The following RGS7 variants were observed in gnomAD, a reference collection of about 807,000 sequenced individuals.
RGS7 encodes the protein regulator of G-protein signaling 7.
RGS7 carries 27 observed loss-of-function variants against 81.1 expected under a neutral mutation model. The observed-to-expected ratio is 0.33, with a 90% CI of 0.25 to 0.46. The LOEUF (loss-of-function observed/expected upper bound fraction) is 0.46. Ranked by LOEUF, RGS7 falls within the 20% of genes least tolerant of loss-of-function variation. The pLI, the probability that RGS7 is intolerant of heterozygous loss-of-function variation, is 1.00. For synonymous variants in RGS7, 208 were observed against 207.7 expected (o/e 1.00, Z -0.01); for missense variants, 396 against 607.4 (o/e 0.65, Z 3.66).
chr1:241,139,634 G>A (rs1174431692), intron 2 of RGS7, among the ~76,000 whole-genome samples: 1 of 152,012 alleles, frequency 6.6e-6, no homozygotes, highest in Non-Finnish European at 1.5e-5. Context: ...AGTGTGAGGG[G>A]GTCTTATTCA....
In RGS7 at chr1:240,828,229, A is replaced by C. The variant is rs1693215313; in HGVS notation, c.610-1057T>G. ...GACAACCTCAGGTGTCTCATTTGTC[A>C]GATTTATTGTTCTGTTGTACAGAAA... On this transcript the variant is annotated intron_variant, in intron 9 of 18. Transcript: ENST00000440928. Among the ~76,000 whole-genome samples the C allele has an allele frequency of 2.0e-5, 3 of 152,020 alleles. No homozygotes were observed. The South Asian group carries it at 6.2e-4, about 32-fold the overall frequency.
intron 2 of RGS7, among the ~76,000 whole-genome samples, chr1:241,231,305 A>G (rs139369963): frequency 6.6e-6 from 1 of 152,346 alleles, no homozygotes; most frequent in East Asian, 1.9e-4. Flanking sequence ...ATAAAAATTA[A>G]TAGTACCCCC....
chr1:241,009,642 G>A (rs2058853811), intron 3 of RGS7, among the ~76,000 whole-genome samples: 1 of 152,090 alleles, frequency 6.6e-6, no homozygotes, highest in Non-Finnish European at 1.5e-5. Flanking sequence ...GAAAACTGGT[G>A]GCATCAACTG....
intron 2 of RGS7, among the ~76,000 whole-genome samples, chr1:241,319,790 T>C (rs2081103454): frequency 6.6e-6 from 1 of 152,304 alleles, no homozygotes; most frequent in South Asian, 2.1e-4. Flanking sequence ...TAATTTAATT[T>C]TTGTTTTTAA....
At chr1:240,920,591 C>A in intron 6 of RGS7, 1 of 963,088 alleles carries the variant, frequency 1.0e-6, no homozygotes, top group Non-Finnish European at 1.7e-6. Flanking sequence ...GCAGTAGCTA[C>A]GGCAGTGGCA....
chr1:241,133,649 G>A (rs1055593312), intron 2 of RGS7, among the ~76,000 whole-genome samples: 1 of 152,070 alleles, frequency 6.6e-6, no homozygotes, highest in African/African-American at 2.4e-5. Context: ...GATTATAAAC[G>A]TAATTTCCCT....
intron 2 of RGS7, among the ~76,000 whole-genome samples, chr1:241,328,222 A>G (rs1310098275): frequency 1.3e-5 from 2 of 152,194 alleles, no homozygotes; most frequent in African/African-American, 4.8e-5. Flanking sequence ...ATATGTGGTA[A>G]GGGATTGTAT....
At chr1:241,068,814 G>C (rs1186837308) in intron 3 of RGS7, among the ~76,000 whole-genome samples, 1 of 152,198 alleles carries the variant, frequency 6.6e-6, no homozygotes, top group Non-Finnish European at 1.5e-5. Context: ...GTGCTCTCCA[G>C]TGTTGGAGGC....
intron 9 of RGS7, among the ~76,000 whole-genome samples, chr1:240,864,633 T>G (rs984581912): frequency 6.6e-6 from 1 of 152,140 alleles, no homozygotes; most frequent in Non-Finnish European, 1.5e-5. Context: ...AATGCAAGCA[T>G]ACAGGAAATA....
chr1:241,119,968 T>C (rs2066136701), intron 2 of RGS7, among the ~76,000 whole-genome samples: 2 of 152,264 alleles, frequency 1.3e-5, no homozygotes, highest in South Asian at 4.1e-4. Context: ...TGCAGCGCCT[T>C]GATCTCTTCA....
At chr1:241,255,861 GT>G (rs1162650304) in intron 2 of RGS7, among the ~76,000 whole-genome samples, 5 of 152,170 alleles carry the variant, frequency 3.3e-5, no homozygotes, top group Non-Finnish European at 7.3e-5. Context: ...GAGAACTTAG[GT>G]AATTCCCTTA....
At chr1:240,910,726 AT>A (rs943619795) in intron 6 of RGS7, among the ~76,000 whole-genome samples, 15 of 151,386 alleles carry the variant, frequency 9.9e-5, no homozygotes, top group African/African-American at 2.4e-5. Context: ...GTGTCAATTA[AT>A]TTTTTTTTGA....
chr1:240,944,406 C>T (rs933266502), intron 4 of RGS7, among the ~76,000 whole-genome samples: 4 of 147,870 alleles, frequency 2.7e-5, no homozygotes, highest in Non-Finnish European at 3.0e-5. Context: ...TGTGAGGAAA[C>T]CATCACAATG....
intron 2 of RGS7, among the ~76,000 whole-genome samples, chr1:241,110,944 CA>C: frequency 6.6e-6 from 1 of 152,234 alleles, no homozygotes; most frequent in Middle Eastern, 3.4e-3. Flanking sequence ...CCCAGCCTCC[CA>C]AAGCTCTGGG....
chr1:241,321,405 G>A lies in RGS7; in HGVS notation c.78+34294C>T, dbSNP rs116812750. ...TTCAAGCAATTTGGAGTCCCCAGGCGGATTCAAACTCGATCCCCCTTCCAC... is the reference window on the plus strand; with the variant it reads ...TTCAAGCAATTTGGAGTCCCCAGGCAGATTCAAACTCGATCCCCCTTCCAC... On this transcript the variant is annotated intron_variant, in intron 2 of 18. Coordinates refer to ENST00000440928, the MANE Select transcript of RGS7 (RefSeq NM_001364886.1). 6.5e-3 allele frequency among the ~76,000 whole-genome samples: 986 copies of A among 152,196 alleles called. 7 individuals carry two copies. The highest frequency in any genetic ancestry group is 9.5e-3 in the Non-Finnish European group (648 of 68,014).
At chr1:241,139,300 T>C (rs1156871395) in intron 2 of RGS7, among the ~76,000 whole-genome samples, 1 of 109,192 alleles carries the variant, frequency 9.2e-6, no homozygotes, top group East Asian at 2.0e-4. Context: ...CCTTCTTTCC[T>C]TCCTTCCTTC....
chr1:241,282,287 A>G (rs1222233998), intron 2 of RGS7, among the ~76,000 whole-genome samples: 14 of 152,184 alleles, frequency 9.2e-5, no homozygotes, highest in Admixed American at 6.6e-5. Flanking sequence ...TGCTTAGGAT[A>G]ATGGCCTCCA....
chr1:241,052,197 T>A (rs1454199074), intron 3 of RGS7, among the ~76,000 whole-genome samples: 5 of 152,224 alleles, frequency 3.3e-5, no homozygotes, highest in Admixed American at 3.3e-4. Flanking sequence ...CTTCAGAACC[T>A]CAGCTTCCTG....
At chr1:241,331,544 A>G (rs1340634947) in intron 2 of RGS7, among the ~76,000 whole-genome samples, 1 of 152,192 alleles carries the variant, frequency 6.6e-6, no homozygotes, top group African/African-American at 2.4e-5. Flanking sequence ...ATATTATATT[A>G]TTATTATTAC....
Sources: allele counts gnomAD v4.1 joint callset (sites outside exome capture counted in the v4.1 genomes callset), GRCh38; gene constraint gnomAD v4.1.1; transcripts MANE v1.5; gene names NCBI Gene and HGNC (gene_info 2026-07-23, HGNC 2026-07-21).